Variants in TUBA1C observed in about 807,000 individuals in gnomAD.
TUBA1C encodes tubulin alpha 1c, also known as tubulin alpha-1C chain.
A neutral mutation model predicts 34.9 loss-of-function variants in TUBA1C; 16 were observed. That is an observed-to-expected ratio of 0.46 (90% confidence interval 0.31 to 0.70). The LOEUF is 0.70. TUBA1C is among the 30% of genes least tolerant of loss of function. TUBA1C has a pLI of 0.05. For missense variants in TUBA1C, 329 were observed against 587.3 expected (o/e 0.56, Z 4.55); for synonymous variants, 177 against 215.9 (o/e 0.82, Z 1.58).
chr12:49,272,952 C>G lies in TUBA1C; in HGVS notation c.1075C>G (p.Pro359Ala), dbSNP rs1442613965. 1 of 1,614,216 alleles carries G rather than the reference C, an allele frequency of 6.2e-7. No individual in the cohort carries two copies. The highest frequency in any genetic ancestry group is 8.5e-7 in the Non-Finnish European group (1 of 1,180,048). Residue 359 changes from proline to alanine, a missense_variant, in exon 4 of 4, where the codon CCT becomes GCT. Physicochemically the swap from Pro to Ala is conservative, Grantham distance 27. This residue lies in a region of TUBA1C where 140 missense variants were observed against 289.8 expected (regional missense o/e 0.48). Coordinates refer to ENST00000301072, the MANE Select transcript of TUBA1C (RefSeq NM_032704.5). ...TGFKVGINYQPPTVVPGGDLA... is the reference protein window; with the variant it reads ...TGFKVGINYQAPTVVPGGDLA... ...CTTCAAGGTTGGCATTAATTACCAG[C>G]CTCCCACTGTGGTGCCTGGCGGAGA...
At chr12:49,270,678 C>T (rs917366391) in intron 3 of TUBA1C, among the ~76,000 whole-genome samples, 5 of 152,124 alleles carry the variant, frequency 3.3e-5, no homozygotes, top group Non-Finnish European at 7.4e-5. Context: ...CTGATGTTTC[C>T]GATGCTTAAA....
chr12:49,240,639 G>A (rs1436933982), intron 1 of TUBA1C, among the ~76,000 whole-genome samples: 1 of 152,124 alleles, frequency 6.6e-6, no homozygotes, highest in Non-Finnish European at 1.5e-5. Flanking sequence ...CCATGCTCGA[G>A]TGCAGTGGTG....
intron 1 of TUBA1C, among the ~76,000 whole-genome samples, chr12:49,265,985 C>G (rs1470580133): frequency 4.0e-5 from 5 of 125,712 alleles, no homozygotes; most frequent in African/African-American, 6.3e-5. Flanking sequence ...AAAAAAAACG[C>G]TGGGCGTGGT....
intron 1 of TUBA1C, among the ~76,000 whole-genome samples, chr12:49,242,756 G>T (rs190147618): frequency 8.5e-5 from 13 of 152,224 alleles, no homozygotes; most frequent in Admixed American, 7.9e-4. Context: ...CCAAAGTGCT[G>T]GGAATACAGG....
upstream of TUBA1C, among the ~76,000 whole-genome samples, chr12:49,261,081 G>A (rs375395850): frequency 6.6e-6 from 1 of 152,268 alleles, no homozygotes; most frequent in African/African-American, 2.4e-5. Flanking sequence ...GGGCGCAGGG[G>A]CTCATGCCTG....
At chr12:49,241,163 A>G (rs1358439412) in intron 1 of TUBA1C, among the ~76,000 whole-genome samples, 1 of 152,078 alleles carries the variant, frequency 6.6e-6, no homozygotes, top group Non-Finnish European at 1.5e-5. Flanking sequence ...CGGCCTCCCA[A>G]AGTGCTAGGA....
intron 1 of TUBA1C, among the ~76,000 whole-genome samples, chr12:49,234,466 G>A (rs1942528457): frequency 6.6e-6 from 1 of 152,238 alleles, no homozygotes; most frequent in Non-Finnish European, 1.5e-5. Flanking sequence ...CAGAAAGGAG[G>A]CTGTGGTTGT....
intron 1 of TUBA1C, among the ~76,000 whole-genome samples, chr12:49,265,906 G>A (rs1014392526): frequency 6.9e-6 from 1 of 145,604 alleles, no homozygotes; most frequent in African/African-American, 2.6e-5. Flanking sequence ...TGTAATCCCA[G>A]CACTTGTTCG....
At chr12:49,262,842 A>T (rs1942854430), upstream of TUBA1C, among the ~76,000 whole-genome samples, 1 of 152,120 alleles carries the variant, frequency 6.6e-6, no homozygotes, top group African/African-American at 2.4e-5. Flanking sequence ...CTGAAAAGTA[A>T]GTCCAGTTTC....
exon 1 of TUBA1C, chr12:49,228,047 G>A (rs1436839313): frequency 7.8e-6 from 12 of 1,535,604 alleles, no homozygotes; most frequent in Non-Finnish European, 1.0e-5. Context: ...CTTTCTGAAT[G>A]CAAAACTGTA....
At chr12:49,229,160 A>G (rs1446485061) in intron 1 of TUBA1C, among the ~76,000 whole-genome samples, 1 of 152,118 alleles carries the variant, frequency 6.6e-6, no homozygotes, top group African/African-American at 2.4e-5. Flanking sequence ...ACTTTACTGC[A>G]TGTTGCGAAC....
At chr12:49,253,893 G>C (rs1225978326) in intron 1 of TUBA1C, among the ~76,000 whole-genome samples, 5 of 152,138 alleles carry the variant, frequency 3.3e-5, no homozygotes, top group African/African-American at 9.7e-5. Context: ...AAGAAAAAGG[G>C]TTAAATTATG....
intron 1 of TUBA1C, among the ~76,000 whole-genome samples, chr12:49,255,486 CAT>C (rs1344794010): frequency 1.3e-5 from 2 of 151,422 alleles, no homozygotes; most frequent in Non-Finnish European, 2.9e-5. Context: ...CCTCTGGACT[CAT>C]GTGATCCACC....
At position 49,273,223 on chromosome 12, in the gene TUBA1C, A is replaced by G; in HGVS notation, c.1346A>G (p.Tyr449Cys). ...GACGGAGAGGATGAGGGTGAAGAGT[A>G]TTAACCTGTGTGCTGTACTTTTACA... ...SADGEDEGEE[Y>C] The change falls in exon 4 of 4, where the codon TAT (tyrosine) becomes TGT (cysteine). Residue 449 changes from tyrosine (Y) to cysteine (C), a missense_variant. Around this residue, in one of 4 missense-constraint regions of TUBA1C, gnomAD observed 34 missense variants for 31.8 expected, o/e 1.07. Transcript: ENST00000301072. 1 of 1,614,244 alleles carries G rather than the reference A, an allele frequency of 6.2e-7. No homozygotes were observed. Among genetic ancestry groups the G allele is most frequent in the East Asian group, 2.2e-5 (1 of 44,896 alleles).
At chr12:49,247,947 CAA>C (rs59651984) in intron 1 of TUBA1C, among the ~76,000 whole-genome samples, 18 of 86,476 alleles carry the variant, frequency 2.1e-4, no homozygotes, top group South Asian at 3.2e-4. Flanking sequence ...GATTCCGTCT[CAA>C]AAAAAAAAAA....
rs1942958743 is a variant in TUBA1C at position 49,269,463 on chromosome 12, A to G, written c.4-2A>G. On this transcript the variant is annotated splice_acceptor_variant, in intron 1 of 3. Coordinates refer to ENST00000301072, the MANE Select transcript of TUBA1C (RefSeq NM_032704.5). LOFTEE classifies it high-confidence loss of function. ...TGACATTTTCCTTTCTTCCTCCCACAGCGTGAGTGCATCTCCATCCACGTT... is the reference window on the plus strand; with the variant it reads ...TGACATTTTCCTTTCTTCCTCCCACGGCGTGAGTGCATCTCCATCCACGTT... 3 of 1,614,026 alleles carry G rather than the reference A, an allele frequency of 1.9e-6. No homozygotes were observed. Among genetic ancestry groups the G allele is most frequent in the Non-Finnish European group, 2.5e-6 (3 of 1,180,054 alleles).
At chr12:49,231,770 A>G (rs185981425) in intron 1 of TUBA1C, among the ~76,000 whole-genome samples, 1 of 151,910 alleles carries the variant, frequency 6.6e-6, no homozygotes, top group African/African-American at 2.4e-5. Context: ...GCTGGTCTCG[A>G]ACTCCTGGCC....
intron 1 of TUBA1C, among the ~76,000 whole-genome samples, chr12:49,230,125 G>A (rs887676293): frequency 2.0e-5 from 3 of 150,854 alleles, no homozygotes; most frequent in Non-Finnish European, 4.4e-5. Context: ...TATGCCTTGT[G>A]GAGATCTTTA....
intron 1 of TUBA1C, among the ~76,000 whole-genome samples, chr12:49,265,695 G>A (rs1942898536): frequency 6.6e-6 from 1 of 152,166 alleles, no homozygotes; most frequent in Non-Finnish European, 1.5e-5. Flanking sequence ...TTCCAACTGC[G>A]CCAGTCCACT....
Sources: allele counts gnomAD v4.1 joint callset (sites outside exome capture counted in the v4.1 genomes callset), GRCh38; gene constraint gnomAD v4.1.1; regional missense constraint gnomAD v4.1.1; transcripts MANE v1.5; gene names NCBI Gene and HGNC (gene_info 2026-07-23, HGNC 2026-07-21).